The following MTOR variants were observed in gnomAD, a reference collection of about 807,000 sequenced individuals.
MTOR encodes mechanistic target of rapamycin kinase.
Under a neutral mutation model 319.8 loss-of-function variants are expected in MTOR, and 70 were observed. That is an observed-to-expected ratio of 0.22 (90% CI 0.18 to 0.27). MTOR has a LOEUF of 0.27. Among genes scored for constraint, MTOR ranks in the 10% least tolerant of loss-of-function variants. MTOR has a pLI of 1.00. For synonymous variants in MTOR, 1,183 were observed against 1,211.4 expected (o/e 0.98, Z 0.49); for missense variants, 1,890 against 3,274.4 (o/e 0.58, Z 10.32).
At position 11,115,136 on chromosome 1, in the gene MTOR, C is replaced by T. The variant is rs1184663118; in HGVS notation, c.7090-249G>A. Among the ~76,000 whole-genome samples the T allele has an allele frequency of 6.6e-6, 1 of 152,054 alleles. No homozygotes were observed. Among genetic ancestry groups the T allele is most frequent in the Non-Finnish European group, 1.5e-5 (1 of 68,008 alleles). On this transcript the variant is annotated intron_variant, in intron 51 of 57. Coordinates refer to ENST00000361445, the MANE Select transcript of MTOR (RefSeq NM_004958.4). This position sits in a 1 kb window ranked among gnomAD's most constrained non-coding sequence, Gnocchi z 4.5. ...AAGACAAATGTGCATCGTGTCCAGGCTCTTGGGCAACAGGTGGTATGGAGG... is the reference window on the plus strand; with the variant it reads ...AAGACAAATGTGCATCGTGTCCAGGTTCTTGGGCAACAGGTGGTATGGAGG...
chr1:11,223,404 T>A (rs137911401), intron 19 of MTOR, among the ~76,000 whole-genome samples: 148 of 152,230 alleles, frequency 9.7e-4, no homozygotes, highest in Middle Eastern at 3.4e-3. Flanking sequence ...AAAGTATGTA[T>A]TGGTGAAATA....
chr1:11,215,629 T>C (rs1003731056), intron 20 of MTOR, among the ~76,000 whole-genome samples: 2 of 152,200 alleles, frequency 1.3e-5, no homozygotes, highest in Non-Finnish European at 2.9e-5. Flanking sequence ...ACCTACTTAA[T>C]GCATGTTATA....
At chr1:11,116,395 G>A (rs983701620) in intron 50 of MTOR, among the ~76,000 whole-genome samples, 1 of 152,174 alleles carries the variant, frequency 6.6e-6, no homozygotes, top group Non-Finnish European at 1.5e-5. Context: ...GCTCACTACA[G>A]CTTTGACCTT....
intron 6 of MTOR, among the ~76,000 whole-genome samples, chr1:11,248,430 A>G (rs1296534199): frequency 6.6e-6 from 1 of 152,224 alleles, no homozygotes; most frequent in Non-Finnish European, 1.5e-5. Flanking sequence ...GGCCACTGCA[A>G]TGAGGCTTGC....
Position 11,193,640 on chromosome 1 carries a change from G to A in MTOR, c.4253+5618C>T, listed in dbSNP as rs529229580. On this transcript the variant is annotated intron_variant, in intron 28 of 57. Transcript: ENST00000361445. ...GACCATCATCCAGAGACGAAAAAGT[G>A]GCCTTGTCTCCTTCTACCGGGACTG... 1.1e-5 allele frequency: 18 copies of A among 1,613,552 alleles called. No individual in the cohort carries two copies. In the South Asian group the frequency reaches 2.0e-4, roughly 18 times the overall value.
intron 28 of MTOR, among the ~76,000 whole-genome samples, chr1:11,168,123 G>A (rs1391491145): frequency 6.6e-6 from 1 of 151,366 alleles, no homozygotes; most frequent in African/African-American, 2.4e-5. Flanking sequence ...CGGCAGGCAG[G>A]CAACATGTGT....
intron 30 of MTOR, chr1:11,152,265 A>T (rs924039382): frequency 2.0e-5 from 3 of 152,196 alleles, no homozygotes; most frequent in African/African-American, 7.2e-5. Flanking sequence ...GATACCTTTC[A>T]CTACACATAG....
Position 11,128,067 on chromosome 1 carries a change from T to C in MTOR, c.5970A>G (p.Ala1990=), listed in dbSNP as rs527710547. Residue 1990 remains alanine (A), a synonymous_variant, in exon 43 of 58, where the codon GCA becomes GCG. Coordinates refer to ENST00000361445, the MANE Select transcript of MTOR (RefSeq NM_004958.4). The surrounding 1 kb of genome is among the most constrained non-coding windows in gnomAD (Gnocchi z 5.3). ...SKSTTTARHN[A]ANKILKNMCE... is the part of the protein sequence containing the mutation. ...ACATGTTCTTCAGAATCTTGTTGGC[T>C]GCATTGTGCCGGGCTGTCGTGGTAG... is the stretch of plus-strand genomic sequence containing the variant. 1.2e-5 allele frequency: 20 copies of C among 1,614,104 alleles called. No individual in the cohort carries two copies. In the African/African-American group the frequency reaches 2.7e-4, roughly 22 times the overall value.
At chr1:11,219,957 T>C (rs1011762842) in intron 19 of MTOR, among the ~76,000 whole-genome samples, 2 of 143,164 alleles carry the variant, frequency 1.4e-5, no homozygotes, top group East Asian at 4.1e-4. Flanking sequence ...CACTCGAACA[T>C]GGAAGGTGGA....
intron 47 of MTOR, among the ~76,000 whole-genome samples, chr1:11,123,964 T>C (rs1198886446): frequency 6.6e-6 from 1 of 152,148 alleles, no homozygotes; most frequent in Non-Finnish European, 1.5e-5. Context: ...ATTTTTGTAT[T>C]TTTAGTAGAC....
Position 11,199,344 on chromosome 1 carries a change from C to T in MTOR, c.4167G>A (p.Lys1389=), listed in dbSNP as rs1164867299. Residue 1389 remains lysine (K), a synonymous_variant, in exon 28 of 58, where the codon AAG becomes AAA. Transcript: ENST00000361445. This position sits in a 1 kb window ranked among gnomAD's most constrained non-coding sequence, Gnocchi z 4.5. ...GTAGTGCTTTGGCATATGCTCGGCA[C>T]TTGGCAGCTCTCTCACCCAGCAGAA... is the stretch of plus-strand genomic sequence containing the variant. The part of the protein sequence containing the change: ...GIVLLGERAA[K]CRAYAKALHY... 1.2e-6 allele frequency: 2 copies of T among 1,614,192 alleles called. No individual in the cohort carries two copies. Among genetic ancestry groups the T allele is most frequent in the Admixed American group, 1.7e-5 (1 of 60,014 alleles).
rs1383630624 is a variant in MTOR at position 11,217,638 on chromosome 1, CTT to C, written c.3031-1406_3031-1405del. On this transcript the variant is annotated intron_variant, in intron 19 of 57. Coordinates refer to ENST00000361445, the MANE Select transcript of MTOR (RefSeq NM_004958.4). ...GTGTTAGCCAGGATGGTCTCGCTCT[CTT>C]GACTTCATGATCCGCCCGCCTTGCC... Among the ~76,000 whole-genome samples, 5 of 150,560 alleles carry C rather than the reference CTT, an allele frequency of 3.3e-5. 1 individual carries two copies. In the South Asian group the frequency reaches 1.1e-3, roughly 32 times the overall value.
chr1:11,212,496 A>G lies in MTOR; in HGVS notation c.3399-22T>C. ...TGCCCTACAACAATCACTAACATAC[A>G]GTAACTGCTAACATACAATCTCCAA... is the stretch of plus-strand genomic sequence containing the variant. On this transcript the variant is annotated intron_variant, in intron 22 of 57. Coordinates refer to ENST00000361445, the MANE Select transcript of MTOR (RefSeq NM_004958.4). This position sits in a 1 kb window ranked among gnomAD's most constrained non-coding sequence, Gnocchi z 4.1. 5.0e-6 allele frequency: 8 copies of G among 1,606,290 alleles called. No homozygotes were observed. The highest frequency in any genetic ancestry group is 2.7e-5 in the African/African-American group (2 of 74,796).
In MTOR at chr1:11,109,439, T is replaced by C; in HGVS notation, c.7448-69A>G. On this transcript the variant is annotated intron_variant, in intron 55 of 57. Transcript: ENST00000361445. This position sits in a 1 kb window ranked among gnomAD's most constrained non-coding sequence, Gnocchi z 4.0. ...TACAACAGGTTCAATGGGTGCCCTG[T>C]TTTTCTCAAATATTCACTTTTGTAA... 1.4e-6 allele frequency: 2 copies of C among 1,435,270 alleles called. No individual in the cohort carries two copies. Among genetic ancestry groups the C allele is most frequent in the East Asian group, 2.3e-5 (1 of 44,046 alleles). 88.9% of individuals were successfully genotyped at this position (1,435,270 alleles called of 1,614,324 possible). A position where few individuals can be genotyped will look rare whatever the true frequency, so the allele number is the denominator to read the frequency against.
In MTOR at chr1:11,133,907, T is replaced by C. The variant is rs916152268; in HGVS notation, c.5246+444A>G. ...CTTGTAGGAGGAAATGCAGGCTCTA[T>C]GCCTGTTCTTTTGTAGAGACCTCAT... On this transcript the variant is annotated intron_variant, in intron 37 of 57. Coordinates refer to ENST00000361445, the MANE Select transcript of MTOR (RefSeq NM_004958.4). The surrounding 1 kb of genome is among the most constrained non-coding windows in gnomAD (Gnocchi z 4.0). 6.6e-6 allele frequency among the ~76,000 whole-genome samples: 1 copy of C among 152,186 alleles called. No homozygotes were observed. Among genetic ancestry groups the C allele is most frequent in the African/African-American group, 2.4e-5 (1 of 41,444 alleles).
intron 28 of MTOR, chr1:11,193,850 T>C: frequency 7.1e-7 from 1 of 1,411,356 alleles, no homozygotes; most frequent in South Asian, 1.2e-5. Context: ...GGGGGTGCCA[T>C]TCCTATTCTG....
chr1:11,175,853 C>T (rs1644970994), intron 28 of MTOR, among the ~76,000 whole-genome samples: 1 of 151,896 alleles, frequency 6.6e-6, no homozygotes, highest in Non-Finnish European at 1.5e-5. Context: ...CAAGGATTCT[C>T]ATGCCTCAGT....
chr1:11,119,753 AAAAAC>A (rs1213325007), intron 49 of MTOR, among the ~76,000 whole-genome samples: 11 of 151,498 alleles, frequency 7.3e-5, no homozygotes, highest in Admixed American at 5.9e-4. Context: ...CTCAAAAAAA[AAAAAC>A]AAAACAAAAC....
intron 28 of MTOR, among the ~76,000 whole-genome samples, chr1:11,198,820 CCA>C (rs1436543433): frequency 3.9e-5 from 6 of 152,168 alleles, no homozygotes; most frequent in African/African-American, 1.4e-4. Flanking sequence ...TCACAAAACA[CCA>C]GAGGAGGAAG....
Sources: gnomAD v4.1 joint callset for allele counts (sites outside exome capture counted in the v4.1 genomes callset) on GRCh38, gnomAD v4.1.1 for gene constraint, Gnocchi (gnomAD v3.1) non-coding constraint, MANE v1.5 for transcripts, NCBI Gene and HGNC (gene_info 2026-07-23, HGNC 2026-07-21) for gene names.